Variants in SCAI observed in about 807,000 individuals in gnomAD.
The protein encoded by SCAI is protein SCAI.
Under a neutral mutation model 92.2 loss-of-function variants are expected in SCAI, and 24 were observed. The ratio of observed to expected loss-of-function variants is 0.26; its 90% CI spans 0.19 to 0.37. The LOEUF (loss-of-function observed/expected upper bound fraction) is 0.37. SCAI is among the 10% of genes least tolerant of loss of function. The pLI, the probability that SCAI is intolerant of heterozygous loss-of-function variation, is 1.00. For synonymous variants in SCAI, 261 were observed against 258.6 expected (o/e 1.01, Z -0.09); for missense variants, 450 against 736.2 (o/e 0.61, Z 4.50).
chr9:125,019,705 T>C (rs1444789689), intron 7 of SCAI, among the ~76,000 whole-genome samples: 2 of 152,136 alleles, frequency 1.3e-5, no homozygotes, highest in African/African-American at 4.8e-5. Context: ...TTTTTGGAAA[T>C]ATTTTTAATG....
intron 2 of SCAI, among the ~76,000 whole-genome samples, chr9:125,136,414 G>A: frequency 6.8e-6 from 1 of 147,114 alleles, no homozygotes; most frequent in African/African-American, 2.5e-5. Flanking sequence ...TTGATATTCA[G>A]AATTTCTATA....
At chr9:125,068,856 A>G (rs942782286) in intron 2 of SCAI, among the ~76,000 whole-genome samples, 4 of 152,178 alleles carry the variant, frequency 2.6e-5, no homozygotes, top group Non-Finnish European at 5.9e-5. Context: ...CAACTCTGTG[A>G]TCAGACTGAA....
chr9:125,034,136 C>T (rs926257560), intron 3 of SCAI, among the ~76,000 whole-genome samples: 1 of 152,034 alleles, frequency 6.6e-6, no homozygotes, highest in Non-Finnish European at 1.5e-5. Flanking sequence ...GGGGCAGTTC[C>T]CAAAACTTAA....
At chr9:125,042,456 G>A (rs2131110973) in intron 3 of SCAI, among the ~76,000 whole-genome samples, 1 of 152,002 alleles carries the variant, frequency 6.6e-6, no homozygotes, top group East Asian at 1.9e-4. Context: ...CCAAGTCCAA[G>A]GGGCATCTTT....
intron 3 of SCAI, among the ~76,000 whole-genome samples, chr9:125,037,483 C>A (rs1437104904): frequency 1.3e-5 from 2 of 151,994 alleles, no homozygotes; most frequent in Non-Finnish European, 2.9e-5. Context: ...CATGACCTAA[C>A]CAATTCCATT....
chr9:125,116,914 T>A (rs1463768673), intron 2 of SCAI, among the ~76,000 whole-genome samples: 1 of 152,202 alleles, frequency 6.6e-6, no homozygotes, highest in African/African-American at 2.4e-5. Flanking sequence ...ACCCTTTCAC[T>A]TATCATATTT....
chr9:124,983,337 A>G (rs1224000463), intron 14 of SCAI, among the ~76,000 whole-genome samples: 1 of 152,016 alleles, frequency 6.6e-6, no homozygotes, highest in East Asian at 1.9e-4. Flanking sequence ...GCTGACATTT[A>G]TGTAAGTATT....
chr9:125,018,109 T>C (rs1832800010), intron 9 of SCAI, among the ~76,000 whole-genome samples: 1 of 152,006 alleles, frequency 6.6e-6, no homozygotes, highest in Admixed American at 6.6e-5. Context: ...TATTATTAAT[T>C]TTTGAGACAG....
At chr9:125,107,198 CAGG>C (rs1588227714) in intron 2 of SCAI, among the ~76,000 whole-genome samples, 1 of 151,844 alleles carries the variant, frequency 6.6e-6, no homozygotes, top group African/African-American at 2.4e-5. Flanking sequence ...ATCACAAGGT[CAGG>C]AGATCGAGAC....
chr9:124,982,452 A>C (rs1831905429), intron 14 of SCAI, among the ~76,000 whole-genome samples: 1 of 152,052 alleles, frequency 6.6e-6, no homozygotes, highest in South Asian at 2.1e-4. Context: ...GGGGTGGTTC[A>C]TCTGAGGTCA....
chr9:124,974,537 C>A (rs1016951740), intron 15 of SCAI, among the ~76,000 whole-genome samples: 5 of 151,964 alleles, frequency 3.3e-5, no homozygotes, highest in African/African-American at 9.7e-5. Context: ...GCTTACTGAT[C>A]AGCTAGTTTT....
chr9:125,127,336 T>A (rs1835298968), intron 2 of SCAI, among the ~76,000 whole-genome samples: 1 of 152,132 alleles, frequency 6.6e-6, no homozygotes. Flanking sequence ...TGGATCTCTA[T>A]TATTAATCAC....
chr9:125,136,284 T>C (rs1835524955), intron 2 of SCAI, among the ~76,000 whole-genome samples: 1 of 151,428 alleles, frequency 6.6e-6, no homozygotes, highest in Non-Finnish European at 1.5e-5. Flanking sequence ...CTAATTTTCG[T>C]ATTTTTGGTA....
chr9:125,131,646 A>C (rs1835403465), intron 2 of SCAI, among the ~76,000 whole-genome samples: 1 of 152,118 alleles, frequency 6.6e-6, no homozygotes, highest in South Asian at 2.1e-4. Flanking sequence ...GCATACACTG[A>C]CCATGCTATC....
chr9:125,059,411 G>C (rs1833731034), intron 2 of SCAI, among the ~76,000 whole-genome samples: 1 of 152,090 alleles, frequency 6.6e-6, no homozygotes, highest in Non-Finnish European at 1.5e-5. Context: ...GCCTGAATGG[G>C]GTCTAAGGAC....
Position 124,947,232 on chromosome 9 carries a change from C to G in SCAI, c.*5575G>C, listed in dbSNP as rs1831159408. 1.3e-5 allele frequency: 2 copies of G among 152,096 alleles called. No individual in the cohort carries two copies. The highest frequency in any genetic ancestry group is 4.8e-5 in the African/African-American group (2 of 41,402). The allele number at this position is 152,096 out of a possible 1,614,324, so 9.4% of individuals were successfully genotyped here. A position where few individuals can be genotyped will look rare whatever the true frequency, so the allele number is the denominator to read the frequency against. The stretch of plus-strand genomic sequence containing the variant: ...ATTAAGCCCCAATATACATAATTTA[C>G]TACTCAGTAATAATACTTAAATATG... On this transcript the variant is annotated 3_prime_UTR_variant, in exon 18 of 18. Transcript: ENST00000336505.
intron 3 of SCAI, among the ~76,000 whole-genome samples, chr9:125,030,150 T>C (rs1309015234): frequency 6.6e-6 from 1 of 152,242 alleles, no homozygotes; most frequent in Non-Finnish European, 1.5e-5. Flanking sequence ...GTATTACTGT[T>C]CTGCACTATT....
intron 9 of SCAI, among the ~76,000 whole-genome samples, chr9:125,016,042 A>C (rs1162655022): frequency 1.6e-5 from 1 of 62,630 alleles, no homozygotes; most frequent in Non-Finnish European, 2.8e-5. Flanking sequence ...GGGCGGGGGG[A>C]GGGGGGAGGG....
At chr9:125,040,090 C>T (rs1006192438) in intron 3 of SCAI, among the ~76,000 whole-genome samples, 1 of 152,188 alleles carries the variant, frequency 6.6e-6, no homozygotes, top group Non-Finnish European at 1.5e-5. Flanking sequence ...GACTGTGGCT[C>T]ACACCTATAA....
Sources: gnomAD v4.1 joint callset for allele counts (sites outside exome capture counted in the v4.1 genomes callset) on GRCh38, gnomAD v4.1.1 for gene constraint, MANE v1.5 for transcripts, NCBI Gene and HGNC (gene_info 2026-07-23, HGNC 2026-07-21) for gene names.